COMMD10: variants seen among roughly 807,000 people sequenced by gnomAD.
COMMD10 encodes the protein COMM domain-containing protein 10.
COMMD10 carries 33 observed loss-of-function variants against 28.9 expected under a neutral mutation model. That is an observed-to-expected ratio of 1.14 (90% CI 0.87 to 1.53). COMMD10 has a LOEUF of 1.53. Among genes scored for constraint, COMMD10 ranks in the 40% most tolerant of loss-of-function variants. The probability of loss-of-function intolerance (pLI) is 0.00; values close to 1 mark genes in which losing one functional copy is unlikely to be tolerated. For synonymous variants in COMMD10, 110 were observed against 81.7 expected (o/e 1.35, Z -1.87); for missense variants, 310 against 233.4 (o/e 1.33, Z -2.14).
At chr5:116,280,152 G>A (rs1751034378) in intron 5 of COMMD10, among the ~76,000 whole-genome samples, 1 of 151,904 alleles carries the variant, frequency 6.6e-6, no homozygotes, top group Non-Finnish European at 1.5e-5. Context: ...TACTGCTGAA[G>A]TGTTTTGTTA....
At chr5:116,179,026 C>T (rs1017529631) in intron 5 of COMMD10, among the ~76,000 whole-genome samples, 4 of 152,030 alleles carry the variant, frequency 2.6e-5, no homozygotes, top group Non-Finnish European at 4.4e-5. Context: ...ATACATCATG[C>T]TTCTGTCCCC....
chr5:116,214,147 G>A (rs1179594420), intron 5 of COMMD10, among the ~76,000 whole-genome samples: 1 of 152,070 alleles, frequency 6.6e-6, no homozygotes, highest in South Asian at 2.1e-4. Flanking sequence ...ACCTTTAGCT[G>A]TTGCTTTCTG....
intron 5 of COMMD10, among the ~76,000 whole-genome samples, chr5:116,225,718 G>A (rs1749378119): frequency 6.6e-6 from 1 of 151,958 alleles, no homozygotes; most frequent in African/African-American, 2.4e-5. Flanking sequence ...GACACATCAA[G>A]CCTGTCTAGA....
chr5:116,120,580 C>A (rs886293155), intron 4 of COMMD10, among the ~76,000 whole-genome samples: 11 of 152,142 alleles, frequency 7.2e-5, no homozygotes, highest in Admixed American at 5.9e-4. Context: ...CAGTCCCTTA[C>A]TGCCCTAACC....
chr5:116,112,703 A>AT (rs112621179), intron 4 of COMMD10, among the ~76,000 whole-genome samples: 142 of 152,082 alleles, frequency 9.3e-4, no homozygotes, highest in African/African-American at 3.1e-3. Context: ...CCTATAGTTG[A>AT]TTTTTTTTAT....
chr5:116,173,322 A>G (rs1279973595), intron 5 of COMMD10, among the ~76,000 whole-genome samples: 1 of 152,124 alleles, frequency 6.6e-6, no homozygotes, highest in Non-Finnish European at 1.5e-5. Flanking sequence ...GTTATATTCA[A>G]TTTTCCAGTT....
chr5:116,261,324 A>G (rs573160467), intron 5 of COMMD10, among the ~76,000 whole-genome samples: 6 of 151,696 alleles, frequency 4.0e-5, no homozygotes, highest in African/African-American at 1.5e-4. Context: ...GACCGTTGCT[A>G]TTTGCTTTTA....
At chr5:116,255,857 G>A (rs147881122) in intron 5 of COMMD10, 2 of 151,342 alleles carry the variant, frequency 1.3e-5, no homozygotes, top group East Asian at 2.0e-4. Flanking sequence ...ATTAAGAAAT[G>A]TTAGTCTCAT....
At chr5:116,114,575 A>T (rs1439383056) in intron 4 of COMMD10, among the ~76,000 whole-genome samples, 1 of 152,148 alleles carries the variant, frequency 6.6e-6, no homozygotes, top group African/African-American at 2.4e-5. Context: ...CAGATCCTGC[A>T]TTGTGTCTCA....
intron 5 of COMMD10, among the ~76,000 whole-genome samples, chr5:116,149,961 G>A (rs1405919966): frequency 2.0e-5 from 3 of 152,074 alleles, no homozygotes; most frequent in African/African-American, 7.2e-5. Flanking sequence ...TATTGCCTAG[G>A]TTTTCTTCTA....
chr5:116,279,218 G>C (rs1427047673), intron 5 of COMMD10, among the ~76,000 whole-genome samples: 1 of 151,716 alleles, frequency 6.6e-6, no homozygotes, highest in Non-Finnish European at 1.5e-5. Flanking sequence ...GATATTGAGA[G>C]ATGAGTCCGT....
At chr5:116,161,971 A>G (rs987536456) in intron 5 of COMMD10, among the ~76,000 whole-genome samples, 1 of 152,220 alleles carries the variant, frequency 6.6e-6, no homozygotes, top group African/African-American at 2.4e-5. Flanking sequence ...ATGAGAAACC[A>G]GAAGTTTTTC....
intron 5 of COMMD10, among the ~76,000 whole-genome samples, chr5:116,267,324 AT>A (rs1423171504): frequency 6.6e-6 from 1 of 151,962 alleles, no homozygotes; most frequent in African/African-American, 2.4e-5. Flanking sequence ...AGAGAGTGAA[AT>A]CATGAGTGAA....
At chr5:116,201,243 A>G (rs1748658742) in intron 5 of COMMD10, among the ~76,000 whole-genome samples, 1 of 152,166 alleles carries the variant, frequency 6.6e-6, no homozygotes, top group Non-Finnish European at 1.5e-5. Context: ...GCACAGAGTG[A>G]TCCGGCATAT....
intron 5 of COMMD10, among the ~76,000 whole-genome samples, chr5:116,202,385 C>T (rs1003325140): frequency 2.6e-5 from 4 of 151,878 alleles, no homozygotes; most frequent in African/African-American, 9.7e-5. Context: ...ATTTATAGTC[C>T]TTTGGGTATA....
intron 5 of COMMD10, among the ~76,000 whole-genome samples, chr5:116,185,766 C>A (rs4283834): frequency 1.3e-5 from 2 of 152,018 alleles, no homozygotes; most frequent in Non-Finnish European, 2.9e-5. Flanking sequence ...ATAACAAATA[C>A]ATCTTGCCTC....
chr5:116,214,023 C>G (rs1166472541), intron 5 of COMMD10, among the ~76,000 whole-genome samples: 1 of 152,104 alleles, frequency 6.6e-6, no homozygotes, highest in Non-Finnish European at 1.5e-5. Context: ...CACTCTGTGG[C>G]TTACAGACAA....
chr5:116,113,383 TTA>T (rs1410514164), intron 4 of COMMD10, among the ~76,000 whole-genome samples: 1 of 151,530 alleles, frequency 6.6e-6, no homozygotes, highest in Non-Finnish European at 1.5e-5. Flanking sequence ...TTTCAATCTA[TTA>T]TTTTGTTAAA....
intron 5 of COMMD10, among the ~76,000 whole-genome samples, chr5:116,274,877 T>A (rs1172369809): frequency 1.3e-5 from 2 of 151,842 alleles, no homozygotes; most frequent in African/African-American, 4.9e-5. Context: ...AATTTCTGTC[T>A]GTTTTTCTCC....
Sources: gnomAD v4.1 joint callset for allele counts (sites outside exome capture counted in the v4.1 genomes callset) on GRCh38, gnomAD v4.1.1 for gene constraint, MANE v1.5 for transcripts, NCBI Gene and HGNC (gene_info 2026-07-23, HGNC 2026-07-21) for gene names.